Variants in PDE4D observed in about 807,000 individuals in gnomAD.
PDE4D encodes phosphodiesterase 4D, also known as 3',5'-cyclic-AMP phosphodiesterase 4D.
PDE4D carries 24 observed loss-of-function variants against 87.4 expected under a neutral mutation model. The ratio of observed to expected loss-of-function variants is 0.27; its 90% CI spans 0.20 to 0.39. The LOEUF (loss-of-function observed/expected upper bound fraction) is 0.39, where lower values mean the gene tolerates loss of function less well. Ranked by LOEUF, PDE4D falls within the 10% of genes least tolerant of loss-of-function variation. The probability of loss-of-function intolerance (pLI) is 1.00; values close to 1 mark genes in which losing one functional copy is unlikely to be tolerated. For synonymous variants in PDE4D, 384 were observed against 383.2 expected, an observed-to-expected ratio of 1.00 and a Z score of -0.02; for missense variants, 714 against 1,041.0, an observed-to-expected ratio of 0.69 and a Z score of 4.32.
rs954021983 is a variant in PDE4D, at chr5:60,236,352, G to A, written c.-89-50665C>T. The stretch of plus-strand genomic sequence containing the variant: ...TATTTGTAAAACAAATATTATAGAG[G>A]ACTTATATCTACAACAAAAAAAATT... On this transcript the variant is annotated intron_variant, in intron 1 of 16. Transcript: ENST00000502484. Among the ~76,000 whole-genome samples the A allele has an allele frequency of 2.6e-5, 4 of 151,612 alleles. No homozygotes were observed. The East Asian group carries it at 7.8e-4, about 29-fold the overall frequency.
chr5:59,319,158 A>ATG (rs1554131063), intron 1 of PDE4D, among the ~76,000 whole-genome samples: 16 of 121,664 alleles, frequency 1.3e-4, no homozygotes, highest in South Asian at 1.1e-3. Flanking sequence ...GAGTACATAT[A>ATG]TATGTGTGTG....
intron 1 of PDE4D, among the ~76,000 whole-genome samples, chr5:60,518,281 G>C (rs1481019928): frequency 1.3e-5 from 2 of 152,244 alleles, no homozygotes; most frequent in African/African-American, 2.4e-5. Flanking sequence ...AGCCTGCCCA[G>C]GCTGAGTGGG....
intron 2 of PDE4D, among the ~76,000 whole-genome samples, chr5:60,015,988 C>T (rs190967133): frequency 1.4e-4 from 21 of 151,360 alleles, no homozygotes; most frequent in Admixed American, 3.3e-4. Context: ...CCTGGGTTCA[C>T]GCCATTCTTA....
At chr5:59,687,145 G>A (rs1750012458) in intron 1 of PDE4D, among the ~76,000 whole-genome samples, 1 of 152,130 alleles carries the variant, frequency 6.6e-6, no homozygotes, top group Non-Finnish European at 1.5e-5. Context: ...GTTATCTCAT[G>A]TTTTGACATT....
intron 1 of PDE4D, among the ~76,000 whole-genome samples, chr5:59,310,313 A>T (rs1376359427): frequency 1.4e-4 from 22 of 151,998 alleles, no homozygotes. Flanking sequence ...GGGCAAGTCA[A>T]CCTCTTCCCT....
intron 1 of PDE4D, among the ~76,000 whole-genome samples, chr5:59,614,502 T>C (rs1829410202): frequency 6.6e-6 from 1 of 152,188 alleles, no homozygotes; most frequent in South Asian, 2.1e-4. Flanking sequence ...TTGCATACAA[T>C]CATAGCTCAG....
At chr5:59,149,373 G>C (rs1406023384) in intron 5 of PDE4D, among the ~76,000 whole-genome samples, 1 of 152,058 alleles carries the variant, frequency 6.6e-6, no homozygotes, top group Non-Finnish European at 1.5e-5. Flanking sequence ...AATTTAATTT[G>C]CCCTAACATT....
chr5:59,151,671 TG>T (rs1779496750), intron 5 of PDE4D, among the ~76,000 whole-genome samples: 1 of 152,096 alleles, frequency 6.6e-6, no homozygotes, highest in East Asian at 1.9e-4. Flanking sequence ...CACTTTGCCT[TG>T]TGTTTAAAGC....
chr5:59,056,103 T>G (rs1580555533), intron 5 of PDE4D, among the ~76,000 whole-genome samples: 1 of 152,170 alleles, frequency 6.6e-6, no homozygotes, highest in Non-Finnish European at 1.5e-5. Flanking sequence ...CGCCTCCACC[T>G]GGTAGTTCAT....
intron 1 of PDE4D, among the ~76,000 whole-genome samples, chr5:60,466,820 A>G (rs1414493864): frequency 6.6e-6 from 1 of 151,978 alleles, no homozygotes; most frequent in Non-Finnish European, 1.5e-5. Flanking sequence ...TGTTCTCAGT[A>G]GTTGATTTTG....
At chr5:59,840,950 A>G (rs1742914094) in intron 1 of PDE4D, among the ~76,000 whole-genome samples, 1 of 152,092 alleles carries the variant, frequency 6.6e-6, no homozygotes, top group South Asian at 2.1e-4. Context: ...TCAATGAAAG[A>G]ATCAAAGAGT....
rs1043541328 is a variant in PDE4D, at chr5:59,395,752, GAGA to G, written c.456-179787_456-179785del. On this transcript the variant is annotated intron_variant, in intron 1 of 14. Transcript: ENST00000340635. ...ATGGAGAATGACTTTGACGAGCTGA[GAGA>G]AGAAGGCTTCAGACGATCAAATTAC... 3.6e-4 allele frequency among the ~76,000 whole-genome samples: 47 copies of G among 130,512 alleles called. No homozygotes were observed. In the East Asian group the frequency reaches 9.6e-3, roughly 27 times the overall value. 85.6% of individuals were successfully genotyped at this position (130,512 alleles called of 152,430 possible). A position where few individuals can be genotyped will look rare whatever the true frequency, so the allele number is the denominator to read the frequency against.
chr5:59,938,643 G>A (rs1184004690), intron 3 of PDE4D, among the ~76,000 whole-genome samples: 1 of 152,156 alleles, frequency 6.6e-6, no homozygotes, highest in Non-Finnish European at 1.5e-5. Flanking sequence ...ACTTCAAGGA[G>A]GCTGATCACT....
At chr5:60,178,699 G>T (rs765875850) in intron 2 of PDE4D, among the ~76,000 whole-genome samples, 2 of 152,100 alleles carry the variant, frequency 1.3e-5, no homozygotes, top group Non-Finnish European at 2.9e-5. Context: ...AAAGCTTGTT[G>T]TTTCTTGTTT....
Position 59,980,319 on chromosome 5 carries a change from G to T in PDE4D, c.272+8169C>A, listed in dbSNP as rs145154754. On this transcript the variant is annotated intron_variant, in intron 3 of 16. Transcript: ENST00000502484. Reference sequence around the variant, plus strand: ...GTGATGGAAATAATCAAAGGAAAGGGCTTTGTTGAGTTCTGCCTTGTGCTT... The same window carrying T: ...GTGATGGAAATAATCAAAGGAAAGGTCTTTGTTGAGTTCTGCCTTGTGCTT... Among the ~76,000 whole-genome samples, 410 of 152,298 alleles carry T rather than the reference G, an allele frequency of 2.7e-3. 2 individuals are homozygous for T. The highest frequency in any genetic ancestry group is 9.5e-3 in the African/African-American group (396 of 41,566).
upstream of PDE4D, among the ~76,000 whole-genome samples, chr5:60,491,739 G>T (rs1749544452): frequency 6.6e-6 from 1 of 152,196 alleles, no homozygotes; most frequent in South Asian, 2.1e-4. Flanking sequence ...CTTTAAACAT[G>T]TAAAGCAGTA....
rs1171510998 is a variant in PDE4D at position 59,370,277 on chromosome 5, T to C, written c.456-154309A>G. Among the ~76,000 whole-genome samples the C allele has an allele frequency of 3.3e-5, 5 of 152,174 alleles. No homozygotes were observed. In the East Asian group the frequency reaches 9.6e-4, roughly 29 times the overall value. On this transcript the variant is annotated intron_variant, in intron 1 of 14. Transcript: ENST00000340635. ...AACCCTTTACTAGTTTCCCTCTCCA[T>C]TTGGGATAAAATCCAAACTCTTTTC...
chr5:59,016,390 C>CTT lies in PDE4D; in HGVS notation c.921+22467_921+22468dup, dbSNP rs35622981. Reference sequence around the variant, plus strand: ...CTGAGCCCTAGATTATCAGTCTGTTCTTTTTTTTTTTTTTTTTTTTTAATG... The same window carrying CTT: ...CTGAGCCCTAGATTATCAGTCTGTTCTTTTTTTTTTTTTTTTTTTTTTTAATG... On this transcript the variant is annotated intron_variant, in intron 6 of 14. Transcript: ENST00000340635. Among the ~76,000 whole-genome samples the CTT allele has an allele frequency of 1.2e-3, 97 of 78,562 alleles. 2 individuals carry two copies. The highest frequency in any genetic ancestry group is 3.6e-3 in the African/African-American group (72 of 19,862). 51.5% of individuals were successfully genotyped at this position (78,562 alleles called of 152,430 possible). A position where few individuals can be genotyped will look rare whatever the true frequency, so the allele number is the denominator to read the frequency against.
At chr5:59,305,753 G>C (rs1771195746) in intron 1 of PDE4D, among the ~76,000 whole-genome samples, 1 of 152,142 alleles carries the variant, frequency 6.6e-6, no homozygotes, top group Non-Finnish European at 1.5e-5. Context: ...ATTCCACTGT[G>C]GTCTGACAGA....
Sources: gnomAD v4.1 joint callset for allele counts (sites outside exome capture counted in the v4.1 genomes callset) on GRCh38, gnomAD v4.1.1 for gene constraint, MANE v1.5 for transcripts, NCBI Gene and HGNC (gene_info 2026-07-23, HGNC 2026-07-21) for gene names.